The following ASB3 variants were observed in gnomAD, a reference collection of about 807,000 sequenced individuals.
ASB3 encodes ankyrin repeat and SOCS box protein 3.
Under a neutral mutation model 54.5 loss-of-function variants are expected in ASB3, and 41 were observed. The observed-to-expected ratio is 0.75, with a 90% CI of 0.59 to 0.98. ASB3 has a LOEUF of 0.98. Ranked by LOEUF, ASB3 falls within the 50% of genes least tolerant of loss-of-function variation. The pLI is 0.00. For missense variants in ASB3, 733 were observed against 620.0 expected (o/e 1.18, Z -1.94); for synonymous variants, 266 against 221.2 (o/e 1.20, Z -1.80).
At chr2:53,768,029 G>A (rs368309853) in intron 1 of ASB3, 9 of 1,612,448 alleles carry the variant, frequency 5.6e-6, no homozygotes, top group East Asian at 2.2e-5. Flanking sequence ...AAGGTGAGGC[G>A]CCGGTCAGCT....
chr2:53,707,343 T>C (rs1043895830), intron 7 of ASB3, among the ~76,000 whole-genome samples: 10 of 152,198 alleles, frequency 6.6e-5, no homozygotes, highest in Admixed American at 3.9e-4. Context: ...GTTAGCTTGT[T>C]AGAAATGCAG....
At chr2:53,676,109 T>C (rs1668068379) in intron 9 of ASB3, among the ~76,000 whole-genome samples, 1 of 152,248 alleles carries the variant, frequency 6.6e-6, no homozygotes, top group Admixed American at 6.5e-5. Flanking sequence ...GCTTAAGGGT[T>C]CTTTTATATA....
intron 8 of ASB3, among the ~76,000 whole-genome samples, chr2:53,695,800 C>G (rs985947140): frequency 1.3e-5 from 2 of 151,966 alleles, no homozygotes; most frequent in Non-Finnish European, 2.9e-5. Flanking sequence ...GGGTGGGGTG[C>G]GCAGGCAGAG....
At chr2:53,683,610 C>CT (rs1226028449) in intron 9 of ASB3, among the ~76,000 whole-genome samples, 4 of 151,046 alleles carry the variant, frequency 2.6e-5, no homozygotes, top group African/African-American at 9.7e-5. Context: ...AGGTCCTGAA[C>CT]TTTTTTTTTG....
intron 1 of ASB3, chr2:53,768,073 C>A: frequency 1.3e-6 from 2 of 1,596,534 alleles, no homozygotes; most frequent in Non-Finnish European, 1.7e-6. Flanking sequence ...CCCTGCTCCC[C>A]AACTCCACAC....
At chr2:53,727,882 T>A (rs191571213) in intron 5 of ASB3, among the ~76,000 whole-genome samples, 3 of 152,076 alleles carry the variant, frequency 2.0e-5, no homozygotes, top group East Asian at 1.9e-4. Flanking sequence ...CATGCCACCA[T>A]GCCCAGCTAA....
intron 2 of ASB3, among the ~76,000 whole-genome samples, chr2:53,760,375 A>G (rs1673075355): frequency 6.6e-6 from 1 of 152,156 alleles, no homozygotes; most frequent in Non-Finnish European, 1.5e-5. Context: ...TTACACTGCC[A>G]GGGTCACCAG....
At chr2:53,679,903 C>A (rs1668274469) in intron 9 of ASB3, among the ~76,000 whole-genome samples, 1 of 152,116 alleles carries the variant, frequency 6.6e-6, no homozygotes, top group African/African-American at 2.4e-5. Context: ...TCCTTCCACC[C>A]ACAACATAGG....
intron 3 of ASB3, among the ~76,000 whole-genome samples, chr2:53,736,230 G>A (rs1262574888): frequency 2.5e-4 from 38 of 152,048 alleles, no homozygotes; most frequent in Non-Finnish European, 8.8e-5. Flanking sequence ...TAAAATACAT[G>A]GAAAAGTACT....
intron 7 of ASB3, among the ~76,000 whole-genome samples, chr2:53,713,924 AT>A (rs1225255675): frequency 2.0e-5 from 3 of 151,800 alleles, no homozygotes; most frequent in Non-Finnish European, 2.9e-5. Flanking sequence ...AAAAAAAAAA[AT>A]TTTTTTTAAT....
intron 9 of ASB3, among the ~76,000 whole-genome samples, chr2:53,673,401 C>T (rs1210255907): frequency 6.6e-6 from 1 of 152,192 alleles, no homozygotes; most frequent in African/African-American, 2.4e-5. Context: ...ATTCTATGGG[C>T]TGACTGGGAA....
chr2:53,691,510 GA>G (rs1429184777), intron 9 of ASB3, among the ~76,000 whole-genome samples: 3 of 152,130 alleles, frequency 2.0e-5, no homozygotes, highest in Non-Finnish European at 4.4e-5. Context: ...ATTGGAGGAA[GA>G]GGGGTAAAAG....
In ASB3 at chr2:53,700,429, T is replaced by C; in HGVS notation, c.1080A>G (p.Ile360Met). The change falls in exon 8 of 10, where the codon ATA (isoleucine) becomes ATG (methionine). Residue 360 changes from isoleucine (I) to methionine (M), a missense_variant. Transcript: ENST00000263634. Reference protein sequence around the residue: ...AYCLKYEKFSIFRYFLRKGCS... With the variant: ...AYCLKYEKFSMFRYFLRKGCS... ...AACCTTTCCTCAAAAAGTAGCGAAA[T>C]ATCGAAAACTTCTCGTACTTCAGGC... 1 of 1,614,072 alleles carries C rather than the reference T, an allele frequency of 6.2e-7. No homozygotes were observed.
At chr2:53,714,307 T>G in intron 7 of ASB3, 77 bp downstream of exon 7, 6 of 1,530,648 alleles carry the variant, frequency 3.9e-6, no homozygotes, top group Non-Finnish European at 5.3e-6. Flanking sequence ...AGTTTCATCG[T>G]GAAAGAAAGT....
intron 9 of ASB3, among the ~76,000 whole-genome samples, chr2:53,686,706 T>A (rs915945722): frequency 6.6e-6 from 1 of 151,970 alleles, no homozygotes; most frequent in Non-Finnish European, 1.5e-5. Flanking sequence ...AATTTCTCCT[T>A]ATTTATTTAT....
chr2:53,697,747 G>C (rs991918262), intron 8 of ASB3, among the ~76,000 whole-genome samples: 2 of 152,182 alleles, frequency 1.3e-5, no homozygotes, highest in African/African-American at 4.8e-5. Flanking sequence ...GGATTACCTT[G>C]AGACTCCAAG....
chr2:53,698,315 T>C (rs984851604), intron 8 of ASB3, among the ~76,000 whole-genome samples: 4 of 152,216 alleles, frequency 2.6e-5, no homozygotes, highest in Non-Finnish European at 5.9e-5. Context: ...TGATGATATC[T>C]TCTATTTGTA....
chr2:53,699,622 T>C (rs1395583925), intron 8 of ASB3, among the ~76,000 whole-genome samples: 1 of 151,564 alleles, frequency 6.6e-6, no homozygotes, highest in Non-Finnish European at 1.5e-5. Context: ...TTCCATTTTA[T>C]TTTCTCATTT....
At chr2:53,706,196 T>C (rs558161500) in intron 7 of ASB3, among the ~76,000 whole-genome samples, 67 of 152,196 alleles carry the variant, frequency 4.4e-4, no homozygotes, top group Non-Finnish European at 7.3e-4. Flanking sequence ...TATACATCTG[T>C]GACTCATCCA....
Sources: allele counts gnomAD v4.1 joint callset (sites outside exome capture counted in the v4.1 genomes callset), GRCh38; gene constraint gnomAD v4.1.1; transcripts MANE v1.5; gene names NCBI Gene and HGNC (gene_info 2026-07-23, HGNC 2026-07-21).